KNTC1: variants seen among roughly 807,000 people sequenced by gnomAD.
KNTC1 encodes kinetochore-associated protein 1.
In KNTC1, 253 loss-of-function variants were observed where a neutral mutation model predicts 314.4. The ratio of observed to expected loss-of-function variants is 0.80; its 90% CI spans 0.73 to 0.89. The LOEUF is 0.89. Ranked by LOEUF, KNTC1 falls within the 40% of genes least tolerant of loss-of-function variation. The pLI is 0.00. For synonymous variants in KNTC1, 901 were observed against 901.4 expected, an observed-to-expected ratio of 1.00 and a Z score of 0.01; for missense variants, 2,475 against 2,572.9, an observed-to-expected ratio of 0.96 and a Z score of 0.82.
intron 22 of KNTC1, 146 bp from the exon 23 acceptor site, chr12:122,570,730 G>A: frequency 1.7e-6 from 1 of 603,722 alleles, no homozygotes; most frequent in Non-Finnish European, 3.0e-6. Flanking sequence ...CCTACTACGT[G>A]CCCACACACA....
chr12:122,557,025 G>A (rs1203961949), intron 16 of KNTC1, among the ~76,000 whole-genome samples: 1 of 150,808 alleles, frequency 6.6e-6, no homozygotes, highest in Non-Finnish European at 1.5e-5. Context: ...TGAGCAGGCT[G>A]GCACTACATC....
rs565598547 is a variant in KNTC1 at position 122,538,310 on chromosome 12, A to G, written c.251-29A>G. 5.6e-6 allele frequency: 7 copies of G among 1,251,892 alleles called. No homozygotes were observed. In the African/African-American group the frequency reaches 9.0e-5, roughly 16 times the overall value. The allele number at this position is 1,251,892 out of a possible 1,614,324, so 77.5% of individuals were successfully genotyped here. Reference sequence around the variant, plus strand: ...ATTGAAAATAAAGATTTTCGAAGGAAGCTTGTAACTTTGATTTGAAATTTT... The same window carrying G: ...ATTGAAAATAAAGATTTTCGAAGGAGGCTTGTAACTTTGATTTGAAATTTT... On this transcript the variant is annotated intron_variant, in intron 3 of 63. Coordinates refer to ENST00000333479, the MANE Select transcript of KNTC1 (RefSeq NM_014708.6).
At chr12:122,574,765 AC>A (rs1233779179) in intron 27 of KNTC1, among the ~76,000 whole-genome samples, 1 of 152,002 alleles carries the variant, frequency 6.6e-6, no homozygotes, top group African/African-American at 2.4e-5. Flanking sequence ...ACTCATTTCC[AC>A]CCCCAGGGGA....
intron 26 of KNTC1, 86 bp downstream of exon 26, chr12:122,573,371 A>T: frequency 8.2e-7 from 1 of 1,225,446 alleles, no homozygotes; most frequent in Non-Finnish European, 1.2e-6. Context: ...AAGGAATGTC[A>T]TATGCTTTCT....
At chr12:122,537,305 C>CA (rs1344064894) in intron 3 of KNTC1, among the ~76,000 whole-genome samples, 5 of 152,166 alleles carry the variant, frequency 3.3e-5, no homozygotes, top group Non-Finnish European at 7.3e-5. Context: ...ATTAACACTG[C>CA]AAAATGCACC....
chr12:122,532,755 TTACC>T (rs1961467073), intron 2 of KNTC1, among the ~76,000 whole-genome samples: 1 of 152,232 alleles, frequency 6.6e-6, no homozygotes, highest in Non-Finnish European at 1.5e-5. Context: ...TTTTAGGATC[TTACC>T]TTAAAGTTAG....
chr12:122,597,632 T>C, intron 43 of KNTC1, 99 bp from the exon 44 acceptor site: 1 of 961,970 alleles, frequency 1.0e-6, no homozygotes. Context: ...CAAGGTTAAA[T>C]TTCAACAATG....
intron 42 of KNTC1, 170 bp from the exon 43 acceptor site, chr12:122,594,106 T>C: frequency 1.7e-6 from 1 of 588,312 alleles, no homozygotes; most frequent in Non-Finnish European, 3.0e-6. Context: ...CATGTACACC[T>C]CAAATCTCAG....
At chr12:122,624,490 AC>A (rs1874794823) in intron 62 of KNTC1, 107 bp from the exon 63 acceptor site, 1 of 659,292 alleles carries the variant, frequency 1.5e-6, no homozygotes, top group African/African-American at 1.8e-5. Flanking sequence ...CTAGTCTCAA[AC>A]TCCTGGACCC....
Position 122,562,705 on chromosome 12 carries a change from T to C in KNTC1, c.1604+6T>C. On this transcript the variant is annotated splice_donor_region_variant and intron_variant, in intron 20 of 63. Transcript: ENST00000333479. ...TTTGGACCAGAAAAATTCAGGTGTG[T>C]ACATTTTTGTTAAAACTTTTTAGGC... 1 of 1,597,486 alleles carries C rather than the reference T, an allele frequency of 6.3e-7. No individual in the cohort carries two copies. The highest frequency in any genetic ancestry group is 8.6e-7 in the Non-Finnish European group (1 of 1,166,242).
At chr12:122,590,833 G>C (rs957709791) in intron 41 of KNTC1, 98 bp downstream of exon 41, 6 of 1,225,544 alleles carry the variant, frequency 4.9e-6, no homozygotes, top group Non-Finnish European at 6.9e-6. Context: ...AGATTTAGTA[G>C]AAGAAATGTT....
chr12:122,579,913 C>T lies in KNTC1; in HGVS notation c.2850C>T (p.Ala950=). 1 of 1,607,986 alleles carries T rather than the reference C, an allele frequency of 6.2e-7. No homozygotes were observed. The highest frequency in any genetic ancestry group is 8.5e-7 in the Non-Finnish European group (1 of 1,175,030). The change falls in exon 32 of 64, where the codon GCC becomes GCT. Residue 950 remains alanine, a synonymous_variant. Transcript: ENST00000333479. ...TATTTATTTATTTTTAGGGCAAGGCCTGGAGAATGTCTGTAGCGAAGACAT... is the reference window on the plus strand; with the variant it reads ...TATTTATTTATTTTTAGGGCAAGGCTTGGAGAATGTCTGTAGCGAAGACAT... ...EEPDHSKEGK[A]WRMSVAKTSV...
At chr12:122,575,697 T>C (rs903586019) in intron 28 of KNTC1, 51 bp downstream of exon 28, 9 of 1,482,504 alleles carry the variant, frequency 6.1e-6, no homozygotes, top group African/African-American at 1.4e-5. Flanking sequence ...AGAAACATTG[T>C]GTTTTGAGTT....
intron 48 of KNTC1, 150 bp from the exon 49 acceptor site, chr12:122,604,414 T>A (rs928735251): frequency 4.8e-6 from 2 of 414,752 alleles, no homozygotes; most frequent in East Asian, 4.8e-5. Flanking sequence ...CCCAAAGTGC[T>A]GGGATTACAA....
At position 122,597,757 on chromosome 12, in the gene KNTC1, T is replaced by TTCTTCAGC; in HGVS notation, c.4389_4396dup (p.Ile1466SerfsTer43). On this transcript the variant is annotated frameshift_variant, in exon 44 of 64. Coordinates refer to ENST00000333479, the MANE Select transcript of KNTC1 (RefSeq NM_014708.6). LOFTEE classifies it high-confidence loss of function. ...ACATTTCAGTTGGACTGCGATGCAGTTCTTCAGCTCTTCATTGAAACGCTG... is the reference window on the plus strand; with the variant it reads ...ACATTTCAGTTGGACTGCGATGCAGTTCTTCAGCTCTTCAGCTCTTCATTGAAACGCTG... 2.5e-6 allele frequency: 4 copies of TTCTTCAGC among 1,613,924 alleles called. No individual in the cohort carries two copies. The highest frequency in any genetic ancestry group is 3.4e-6 in the Non-Finnish European group (4 of 1,179,812).
Position 122,549,091 on chromosome 12 carries a change from A to G in KNTC1, c.988-675A>G, listed in dbSNP as rs531969994. Among the ~76,000 whole-genome samples, 6 of 152,254 alleles carry G rather than the reference A, an allele frequency of 3.9e-5. 1 individual carries two copies. In the South Asian group the frequency reaches 1.2e-3, roughly 32 times the overall value. On this transcript the variant is annotated intron_variant, in intron 12 of 63. Transcript: ENST00000333479. The stretch of plus-strand genomic sequence containing the variant: ...TATTTAGAGACAGTCTCACTCTTTC[A>G]CCCAGACAGGAGTGTGTGTAGTGGT...
At chr12:122,528,606 C>CT (rs1404052135) in intron 1 of KNTC1, among the ~76,000 whole-genome samples, 6 of 152,150 alleles carry the variant, frequency 3.9e-5, no homozygotes, top group Non-Finnish European at 8.8e-5. Context: ...AAATTAGTCC[C>CT]TTGGTATTGG....
intron 20 of KNTC1, among the ~76,000 whole-genome samples, chr12:122,566,899 A>G (rs1964385160): frequency 6.7e-6 from 1 of 148,630 alleles, no homozygotes. Context: ...GAGCACCACC[A>G]CACTCAGCTA....
At chr12:122,581,088 TTCTCTCTCTC>T (rs367845063) in intron 33 of KNTC1, among the ~76,000 whole-genome samples, 190 of 149,662 alleles carry the variant, frequency 1.3e-3, no homozygotes, top group African/African-American at 4.5e-3. Context: ...CTGGTTTTCC[TTCTCTCTCTC>T]TCTCTCTCAA....
Sources: gnomAD v4.1 joint callset for allele counts (sites outside exome capture counted in the v4.1 genomes callset) on GRCh38, gnomAD v4.1.1 for gene constraint, MANE v1.5 for transcripts, NCBI Gene and HGNC (gene_info 2026-07-23, HGNC 2026-07-21) for gene names.